TYW1B: variants seen among roughly 807,000 people sequenced by gnomAD.
TYW1B encodes tRNA-yW synthesizing protein 1 homolog B, also known as S-adenosyl-L-methionine-dependent tRNA 4-demethylwyosine synthase TYW1B.
In TYW1B, 73 loss-of-function variants were observed where a neutral mutation model predicts 86.9. The observed-to-expected ratio is 0.84, with a 90% CI of 0.70 to 1.02. The LOEUF is 1.02. TYW1B is among the 50% of genes least tolerant of loss of function. TYW1B has a pLI of 0.00. For missense variants in TYW1B, 637 were observed against 827.4 expected, an observed-to-expected ratio of 0.77 and a Z score of 2.82; for synonymous variants, 248 against 292.8, an observed-to-expected ratio of 0.85 and a Z score of 1.56.
At chr7:72,578,229 T>C (rs1554429123) in intron 13 of TYW1B, among the ~76,000 whole-genome samples, 1 of 151,470 alleles carries the variant, frequency 6.6e-6, no homozygotes. Flanking sequence ...TTCTCCTGCC[T>C]CAGCCTCCCG....
At chr7:72,596,669 A>ATGTT (rs1319406993) in intron 13 of TYW1B, among the ~76,000 whole-genome samples, 1 of 152,214 alleles carries the variant, frequency 6.6e-6, no homozygotes, top group African/African-American at 2.4e-5. Context: ...ACTTAAAATT[A>ATGTT]TAAGACTCTT....
At chr7:72,593,820 TAAAAA>T (rs59821679) in intron 13 of TYW1B, among the ~76,000 whole-genome samples, 31 of 43,698 alleles carry the variant, frequency 7.1e-4, no homozygotes, top group African/African-American at 2.5e-3. Flanking sequence ...AGACTCCATC[TAAAAA>T]AAAAAAAAAA....
At chr7:72,797,422 GA>G (rs1442181317) in intron 6 of TYW1B, among the ~76,000 whole-genome samples, 3 of 152,182 alleles carry the variant, frequency 2.0e-5, no homozygotes, top group Non-Finnish European at 4.4e-5. Flanking sequence ...ACAGGACACA[GA>G]AGCTCTGTGT....
chr7:72,622,237 C>T (rs1395398117), intron 12 of TYW1B, among the ~76,000 whole-genome samples: 3 of 152,124 alleles, frequency 2.0e-5, no homozygotes, highest in Non-Finnish European at 4.4e-5. Context: ...AGCTAAGATA[C>T]ATGCTAATTT....
intron 7 of TYW1B, among the ~76,000 whole-genome samples, chr7:72,764,020 G>C (rs183174673): frequency 7.2e-5 from 11 of 152,238 alleles, no homozygotes; most frequent in Admixed American, 5.9e-4. Flanking sequence ...AGTTATATTT[G>C]TATGGGGATA....
chr7:72,663,927 T>C (rs1554444854), intron 11 of TYW1B, among the ~76,000 whole-genome samples: 1 of 151,958 alleles, frequency 6.6e-6, no homozygotes, highest in East Asian at 1.9e-4. Flanking sequence ...TCAAGAATCC[T>C]GAGAAACAGG....
At chr7:72,594,698 A>G (rs1811485589) in intron 13 of TYW1B, among the ~76,000 whole-genome samples, 1 of 152,180 alleles carries the variant, frequency 6.6e-6, no homozygotes, top group African/African-American at 2.4e-5. Flanking sequence ...CAAAGATCGT[A>G]CTGGAAGAAA....
chr7:72,614,627 C>A (rs372738693), intron 13 of TYW1B, among the ~76,000 whole-genome samples: 7 of 143,638 alleles, frequency 4.9e-5, no homozygotes, highest in African/African-American at 1.8e-4. Context: ...AGCAAGACTC[C>A]ATCTTAAAAA....
intron 11 of TYW1B, among the ~76,000 whole-genome samples, chr7:72,681,361 T>C (rs1197128592): frequency 2.0e-5 from 3 of 152,090 alleles, no homozygotes; most frequent in African/African-American, 7.2e-5. Flanking sequence ...GACCTTACAA[T>C]TCAGAGCAAG....
intron 11 of TYW1B, among the ~76,000 whole-genome samples, chr7:72,693,702 G>A (rs1397930152): frequency 6.6e-6 from 1 of 151,902 alleles, no homozygotes; most frequent in Non-Finnish European, 1.5e-5. Flanking sequence ...GCCTGCAGAC[G>A]CCTCTTTTAA....
intron 13 of TYW1B, among the ~76,000 whole-genome samples, chr7:72,607,706 A>T (rs1811836719): frequency 6.6e-6 from 1 of 152,104 alleles, no homozygotes; most frequent in South Asian, 2.1e-4. Flanking sequence ...TACCTGTGGG[A>T]CCATAACAAA....
intron 11 of TYW1B, among the ~76,000 whole-genome samples, chr7:72,693,651 T>A (rs1215237202): frequency 2.1e-4 from 32 of 152,096 alleles, no homozygotes; most frequent in Non-Finnish European, 4.3e-4. Flanking sequence ...CACCTTGGCC[T>A]CTCAAAGTGC....
intron 7 of TYW1B, among the ~76,000 whole-genome samples, chr7:72,746,736 C>G (rs538418783): frequency 6.6e-6 from 1 of 152,162 alleles, no homozygotes; most frequent in Admixed American, 6.6e-5. Context: ...GAACTAGAGC[C>G]CATAAGATGG....
chr7:72,589,083 G>C (rs1811339033), intron 13 of TYW1B, among the ~76,000 whole-genome samples: 2 of 152,214 alleles, frequency 1.3e-5, no homozygotes, highest in Non-Finnish European at 2.9e-5. Flanking sequence ...AAAGTGCTGG[G>C]ATTACAGGCA....
chr7:72,634,342 CTT>C (rs782580354), intron 11 of TYW1B, among the ~76,000 whole-genome samples: 1 of 132,672 alleles, frequency 7.5e-6, no homozygotes, highest in African/African-American at 2.9e-5. Context: ...CCACTCCTAG[CTT>C]TTTTTTTTTT....
At chr7:72,760,551 G>C (rs781924675) in intron 7 of TYW1B, among the ~76,000 whole-genome samples, 21 of 152,124 alleles carry the variant, frequency 1.4e-4, no homozygotes, top group Non-Finnish European at 1.6e-4. Flanking sequence ...ATTGTATGTT[G>C]TGTCTACATT....
chr7:72,813,840 C>T (rs182809757), intron 3 of TYW1B, among the ~76,000 whole-genome samples: 1 of 151,872 alleles, frequency 6.6e-6, no homozygotes, highest in Admixed American at 6.6e-5. Flanking sequence ...TATAATGAAA[C>T]CCCATGTCTG....
chr7:72,602,361 A>G (rs1391861747), intron 13 of TYW1B, among the ~76,000 whole-genome samples: 1 of 152,142 alleles, frequency 6.6e-6, no homozygotes, highest in Non-Finnish European at 1.5e-5. Flanking sequence ...GAGCAAGGGG[A>G]GGAGGCTAGA....
intron 10 of TYW1B, among the ~76,000 whole-genome samples, chr7:72,703,581 G>C (rs1235360307): frequency 1.3e-5 from 2 of 152,032 alleles, no homozygotes; most frequent in African/African-American, 4.8e-5. Flanking sequence ...CAGACCAGAC[G>C]CGGTGGCTCA....
Sources: gnomAD v4.1 joint callset for allele counts (sites outside exome capture counted in the v4.1 genomes callset) on GRCh38, gnomAD v4.1.1 for gene constraint, MANE v1.5 for transcripts, NCBI Gene and HGNC (gene_info 2026-07-23, HGNC 2026-07-21) for gene names.